Variants in TSPEAR observed in about 807,000 individuals in gnomAD.
The protein encoded by TSPEAR is thrombospondin type laminin G domain and EAR repeats, also known as thrombospondin-type laminin G domain and EAR repeat-containing protein.
Under a neutral mutation model 71.6 loss-of-function variants are expected in TSPEAR, and 69 were observed. The ratio of observed to expected loss-of-function variants is 0.96; its 90% CI spans 0.79 to 1.18. TSPEAR has a LOEUF of 1.18. Among genes scored for constraint, TSPEAR ranks in the 50% most tolerant of loss-of-function variants. The pLI, the probability that TSPEAR is intolerant of heterozygous loss-of-function variation, is 0.00. For missense variants in TSPEAR, 971 were observed against 894.9 expected (o/e 1.09, Z -1.09); for synonymous variants, 402 against 387.2 (o/e 1.04, Z -0.45).
At chr21:44,574,847 C>T (rs1555923598) in intron 1 of TSPEAR, 2 of 1,613,988 alleles carry the variant, frequency 1.2e-6, no homozygotes, top group Non-Finnish European at 1.7e-6. Flanking sequence ...CCGTGTCCCT[C>T]CTCTGCCGCC....
chr21:44,505,881 G>A (rs2052187053), intron 10 of TSPEAR, among the ~76,000 whole-genome samples: 1 of 152,144 alleles, frequency 6.6e-6, no homozygotes. Context: ...GGGTACAAAA[G>A]TCCACTTTTA....
chr21:44,631,095 G>A (rs1228286399), intron 1 of TSPEAR, among the ~76,000 whole-genome samples: 1 of 148,576 alleles, frequency 6.7e-6, no homozygotes, highest in East Asian at 1.9e-4. Context: ...AAAAAGCCAA[G>A]TAGTGAAAAA....
At chr21:44,602,318 G>C (rs929307372) in intron 1 of TSPEAR, 2 of 159,946 alleles carry the variant, frequency 1.3e-5, no homozygotes, top group Admixed American at 5.8e-5. Flanking sequence ...CTCACCACAC[G>C]GATGTCCGAG....
At chr21:44,602,924 C>A (rs1981065330) in intron 1 of TSPEAR, among the ~76,000 whole-genome samples, 1 of 152,224 alleles carries the variant, frequency 6.6e-6, no homozygotes, top group Non-Finnish European at 1.5e-5. Context: ...GGCCTGTGTC[C>A]TCCTGGAGAA....
At chr21:44,567,507 G>C (rs781955886) in intron 2 of TSPEAR, among the ~76,000 whole-genome samples, 5 of 152,112 alleles carry the variant, frequency 3.3e-5, no homozygotes, top group African/African-American at 1.2e-4. Context: ...TATTGTTAGC[G>C]CTTCCTGCCA....
At chr21:44,550,249 C>A (rs1307532536) in intron 2 of TSPEAR, 3 of 220,288 alleles carry the variant, frequency 1.4e-5, no homozygotes, top group African/African-American at 6.8e-5. Context: ...CCCCGGGGCC[C>A]CCAGCTGGGG....
intron 1 of TSPEAR, chr21:44,574,965 C>G: frequency 1.2e-6 from 2 of 1,612,630 alleles, no homozygotes; most frequent in Non-Finnish European, 1.7e-6. Context: ...CCTCCTCTGA[C>G]GCCCCGTGTG....
rs1601545494 is a variant in TSPEAR at position 44,666,206 on chromosome 21, T to C, written c.82+45227A>G. Reference sequence around the variant, plus strand: ...TGCAGAGCTGCATGGGGAAAGCTGGTTTATTTGGCTCTCATGGGGTCAGAG... The same window carrying C: ...TGCAGAGCTGCATGGGGAAAGCTGGCTTATTTGGCTCTCATGGGGTCAGAG... On this transcript the variant is annotated intron_variant, in intron 1 of 11. Coordinates refer to ENST00000323084, the MANE Select transcript of TSPEAR (RefSeq NM_144991.3). The C allele has an allele frequency of 9.9e-6, 5 of 502,998 alleles. No individual in the cohort carries two copies. In the East Asian group the frequency reaches 1.5e-4, roughly 15 times the overall value. 31.2% of individuals were successfully genotyped at this position (502,998 alleles called of 1,614,324 possible).
intron 1 of TSPEAR, among the ~76,000 whole-genome samples, chr21:44,633,757 C>G (rs587754839): frequency 6.6e-6 from 1 of 152,172 alleles, no homozygotes; most frequent in East Asian, 1.9e-4. Context: ...TTCAAGTTCT[C>G]TATTTCGTTA....
Position 44,623,202 on chromosome 21 carries a change from T to C in TSPEAR, c.83-55197A>G, listed in dbSNP as rs1382596818. The stretch of plus-strand genomic sequence containing the variant: ...AGACCAGCTTAACACAGTGAGGTTC[T>C]GGGTGGATATGACTTTTGGGGAGGC... On this transcript the variant is annotated intron_variant, in intron 1 of 11. Coordinates refer to ENST00000323084, the MANE Select transcript of TSPEAR (RefSeq NM_144991.3). This position sits in a 1 kb window ranked among gnomAD's most constrained non-coding sequence, Gnocchi z 4.5. Among the ~76,000 whole-genome samples, 1 of 152,246 alleles carries C rather than the reference T, an allele frequency of 6.6e-6. No homozygotes were observed. The highest frequency in any genetic ancestry group is 2.4e-5 in the African/African-American group (1 of 41,466).
At chr21:44,596,284 G>A (rs1325941668) in intron 1 of TSPEAR, among the ~76,000 whole-genome samples, 2 of 152,164 alleles carry the variant, frequency 1.3e-5, no homozygotes, top group African/African-American at 2.4e-5. Context: ...CTCCCGAGAC[G>A]AGCATTATGA....
In TSPEAR at chr21:44,677,988, G is replaced by C. The variant is rs1190168935; in HGVS notation, c.82+33445C>G. 3 of 1,067,430 alleles carry C rather than the reference G, an allele frequency of 2.8e-6. No homozygotes were observed. In the African/African-American group the frequency reaches 4.7e-5, roughly 17 times the overall value. The allele number at this position is 1,067,430 out of a possible 1,614,324, so 66.1% of individuals were successfully genotyped here. On this transcript the variant is annotated intron_variant, in intron 1 of 11. Coordinates refer to ENST00000323084, the MANE Select transcript of TSPEAR (RefSeq NM_144991.3). ...CAACCACAGAGCTGCCTGAAGTAGA[G>C]TATCGGCGGCATGGTCACAGTGGAC...
At chr21:44,683,298 G>A (rs1478682635) in intron 1 of TSPEAR, among the ~76,000 whole-genome samples, 1 of 151,512 alleles carries the variant, frequency 6.6e-6, no homozygotes, top group Non-Finnish European at 1.5e-5. Flanking sequence ...CTGACGGCTA[G>A]AACAAAAATC....
At chr21:44,537,182 C>T (rs2838584) in intron 2 of TSPEAR, among the ~76,000 whole-genome samples, 3,913 of 149,004 alleles carry the variant, frequency 0.026, 180 homozygotes, top group African/African-American at 0.094. Context: ...TAAAATTAAT[C>T]GAGAACAAGC....
chr21:44,572,269 C>A (rs191130502), intron 1 of TSPEAR, among the ~76,000 whole-genome samples: 1 of 152,320 alleles, frequency 6.6e-6, no homozygotes, highest in African/African-American at 2.4e-5. Context: ...TTTCAGCCAA[C>A]GCCATGTGGG....
chr21:44,635,740 A>G (rs1346881431), intron 1 of TSPEAR, among the ~76,000 whole-genome samples: 1 of 152,208 alleles, frequency 6.6e-6, no homozygotes, highest in East Asian at 1.9e-4. Context: ...TGGTTGCACA[A>G]CATTATGACT....
intron 2 of TSPEAR, among the ~76,000 whole-genome samples, chr21:44,557,000 T>C (rs1422026348): frequency 6.6e-6 from 1 of 152,142 alleles, no homozygotes; most frequent in African/African-American, 2.4e-5. Context: ...ACTGGTGAGA[T>C]AGCATGTACT....
chr21:44,533,961 G>GGGT, intron 2 of TSPEAR, 38 bp from the exon 3 acceptor site: 1 of 1,345,100 alleles, frequency 7.4e-7, no homozygotes, highest in Non-Finnish European at 1.0e-6. Context: ...GGGGCTGGGG[G>GGGT]TAGGGGTCGG....
chr21:44,612,382 C>T lies in TSPEAR; in HGVS notation c.83-44377G>A. ...GCCAATCAGGCTGCACCGACTCCTG[C>T]ACACCTTCATGCTGCCAGCAGTCTA... On this transcript the variant is annotated intron_variant, in intron 1 of 11. Coordinates refer to ENST00000323084, the MANE Select transcript of TSPEAR (RefSeq NM_144991.3). The surrounding 1 kb of genome is among the most constrained non-coding windows in gnomAD (Gnocchi z 4.1). The T allele has an allele frequency of 6.2e-7, 1 of 1,614,092 alleles. No homozygotes were observed. The highest frequency in any genetic ancestry group is 8.5e-7 in the Non-Finnish European group (1 of 1,180,036).
Sources: allele counts gnomAD v4.1 joint callset (sites outside exome capture counted in the v4.1 genomes callset), GRCh38; gene constraint gnomAD v4.1.1; non-coding constraint Gnocchi (gnomAD v3.1); transcripts MANE v1.5; gene names NCBI Gene and HGNC (gene_info 2026-07-23, HGNC 2026-07-21).